The following PPFIBP1 variants were observed in gnomAD, a reference collection of about 807,000 sequenced individuals.
The protein encoded by PPFIBP1 is PPFIB scaffold protein 1, also known as liprin-beta-1.
Under a neutral mutation model 137.8 loss-of-function variants are expected in PPFIBP1, and 112 were observed. The observed-to-expected ratio is 0.81, with a 90% CI of 0.70 to 0.95. PPFIBP1 has a LOEUF of 0.95. Ranked by LOEUF, PPFIBP1 falls within the 40% of genes least tolerant of loss-of-function variation. The pLI, the probability that PPFIBP1 is intolerant of heterozygous loss-of-function variation, is 0.00. For missense variants in PPFIBP1, 1,083 were observed against 1,196.6 expected (o/e 0.91, Z 1.40); for synonymous variants, 378 against 417.3 (o/e 0.91, Z 1.15).
At chr12:27,534,362 G>GAAGA (rs1944749793) in intron 1 of PPFIBP1, among the ~76,000 whole-genome samples, 1 of 152,188 alleles carries the variant, frequency 6.6e-6, no homozygotes, top group South Asian at 2.1e-4. Flanking sequence ...TGATTTATCA[G>GAAGA]TAGAGTAAGA....
Position 27,661,094 on chromosome 12 carries a change from C to A in PPFIBP1, c.906+149C>A. 1 of 1,227,734 alleles carries A rather than the reference C, an allele frequency of 8.1e-7. No individual in the cohort carries two copies. The highest frequency in any genetic ancestry group is 1.1e-6 in the Non-Finnish European group (1 of 903,978). 76.1% of individuals were successfully genotyped at this position (1,227,734 alleles called of 1,614,324 possible). On this transcript the variant is annotated intron_variant, in intron 11 of 29. Coordinates refer to ENST00000228425, the MANE Select transcript of PPFIBP1 (RefSeq NM_003622.4). Reference sequence around the variant, plus strand: ...GCAGGTGTGCACACTCCCAGGTGGGCTGTATGCACAGGAATAGGGAGGAGC... The same window carrying A: ...GCAGGTGTGCACACTCCCAGGTGGGATGTATGCACAGGAATAGGGAGGAGC...
chr12:27,672,536 A>G (rs1200997539), intron 15 of PPFIBP1, 53 bp downstream of exon 15: 4 of 1,350,076 alleles, frequency 3.0e-6, no homozygotes, highest in East Asian at 2.3e-5. Flanking sequence ...AGAGAAAGAG[A>G]GTTCTGTTAT....
At chr12:27,558,847 A>T (rs2048926072) in intron 1 of PPFIBP1, among the ~76,000 whole-genome samples, 1 of 152,054 alleles carries the variant, frequency 6.6e-6, no homozygotes, top group African/African-American at 2.4e-5. Flanking sequence ...CATAGCTATA[A>T]CAGTGATTTT....
chr12:27,649,982 C>A, intron 6 of PPFIBP1, 28 bp from the exon 7 acceptor site: 1 of 1,584,324 alleles, frequency 6.3e-7, no homozygotes, highest in South Asian at 1.1e-5. Context: ...TAAAAGACTT[C>A]TTGAATGTAT....
At chr12:27,634,883 C>T in intron 3 of PPFIBP1, 27 bp from the exon 4 acceptor site, 1 of 1,586,420 alleles carries the variant, frequency 6.3e-7, no homozygotes, top group Non-Finnish European at 8.7e-7. Context: ...AATCCCATTG[C>T]TCTCTCTGTG....
chr12:27,625,457 A>T (rs2056733411), intron 2 of PPFIBP1, among the ~76,000 whole-genome samples: 1 of 152,164 alleles, frequency 6.6e-6, no homozygotes, highest in Non-Finnish European at 1.5e-5. Flanking sequence ...AGGACTCAAA[A>T]AAGATAAGTA....
At position 27,637,898 on chromosome 12, in the gene PPFIBP1, A is replaced by C. The variant is rs149769818; in HGVS notation, c.270+2783A>C. On this transcript the variant is annotated intron_variant, in intron 4 of 29. Coordinates refer to ENST00000228425, the MANE Select transcript of PPFIBP1 (RefSeq NM_003622.4). ...CCAATTTAATATTTCAGAAGTTGGG[A>C]TGTGTTTTATGATCTTAAAATGGGT... Among the ~76,000 whole-genome samples, 19 of 152,212 alleles carry C rather than the reference A, an allele frequency of 1.2e-4. No individual in the cohort carries two copies. The East Asian group carries it at 1.5e-3, about 12-fold the overall frequency.
chr12:27,556,785 A>C (rs954490028), intron 1 of PPFIBP1, among the ~76,000 whole-genome samples: 1 of 152,198 alleles, frequency 6.6e-6, no homozygotes, highest in Non-Finnish European at 1.5e-5. Flanking sequence ...TGTCTGCTTT[A>C]AGCTTCAAAC....
chr12:27,674,779 C>T (rs779882301), intron 17 of PPFIBP1, among the ~76,000 whole-genome samples: 7 of 148,406 alleles, frequency 4.7e-5, no homozygotes, highest in Non-Finnish European at 9.0e-5. Flanking sequence ...TTAAAGATGT[C>T]GTCAACATGT....
chr12:27,565,646 G>A (rs1022811659), intron 1 of PPFIBP1, among the ~76,000 whole-genome samples: 2 of 152,066 alleles, frequency 1.3e-5, no homozygotes, highest in Non-Finnish European at 2.9e-5. Flanking sequence ...CTCCTTCTGT[G>A]CTACTCCCCG....
At chr12:27,549,930 T>C (rs1267882428) in intron 1 of PPFIBP1, among the ~76,000 whole-genome samples, 1 of 152,204 alleles carries the variant, frequency 6.6e-6, no homozygotes, top group Non-Finnish European at 1.5e-5. Flanking sequence ...CGTAAGCTGA[T>C]GTTGCGTAAC....
intron 2 of PPFIBP1, among the ~76,000 whole-genome samples, chr12:27,601,470 G>T (rs1366880769): frequency 6.6e-6 from 1 of 152,168 alleles, no homozygotes; most frequent in African/African-American, 2.4e-5. Context: ...GAGTGTTTTG[G>T]TGTACACAAG....
In PPFIBP1 at chr12:27,655,483, T is replaced by C. The variant is rs149132717; in HGVS notation, c.696+669T>C. ...GAATTTATAAATTAATCTCTTAGACTATCTGAGACCCAAGCCTAGTAAAAT... is the reference window on the plus strand; with the variant it reads ...GAATTTATAAATTAATCTCTTAGACCATCTGAGACCCAAGCCTAGTAAAAT... On this transcript the variant is annotated intron_variant, in intron 8 of 29. Coordinates refer to ENST00000228425, the MANE Select transcript of PPFIBP1 (RefSeq NM_003622.4). Among the ~76,000 whole-genome samples, 902 of 152,338 alleles carry C rather than the reference T, an allele frequency of 5.9e-3. 10 individuals are homozygous for C. The highest frequency in any genetic ancestry group is 0.017 in the Admixed American group (262 of 15,302).
chr12:27,647,052 A>G (rs539879293), intron 5 of PPFIBP1, among the ~76,000 whole-genome samples: 1 of 152,160 alleles, frequency 6.6e-6, no homozygotes, highest in Non-Finnish European at 1.5e-5. Context: ...CCGAGACGGG[A>G]GTGCAGTGGC....
At chr12:27,668,139 A>C (rs1284257744) in intron 13 of PPFIBP1, among the ~76,000 whole-genome samples, 2 of 152,086 alleles carry the variant, frequency 1.3e-5, no homozygotes, top group East Asian at 3.9e-4. Flanking sequence ...TCCCATGCAA[A>C]ATACACTCGC....
At chr12:27,640,359 C>T (rs2058027702) in intron 4 of PPFIBP1, among the ~76,000 whole-genome samples, 1 of 152,268 alleles carries the variant, frequency 6.6e-6, no homozygotes, top group African/African-American at 2.4e-5. Context: ...AGAGATTCCT[C>T]CTCTAGATCT....
intron 2 of PPFIBP1, among the ~76,000 whole-genome samples, chr12:27,590,361 A>G (rs2052349276): frequency 6.6e-6 from 1 of 152,122 alleles, no homozygotes; most frequent in Admixed American, 6.6e-5. Context: ...TTTTTAGTAC[A>G]GACAGGGTTT....
At chr12:27,688,604 T>A (rs2061334079) in intron 26 of PPFIBP1, among the ~76,000 whole-genome samples, 181 bp downstream of exon 26, 1 of 152,270 alleles carries the variant, frequency 6.6e-6, no homozygotes, top group South Asian at 2.1e-4. Context: ...CTAGATTGAA[T>A]TTAAAGCCAG....
intron 27 of PPFIBP1, 74 bp from the exon 28 acceptor site, chr12:27,691,675 C>A: frequency 7.9e-7 from 1 of 1,260,664 alleles, no homozygotes; most frequent in South Asian, 1.5e-5. Context: ...AAAAAAAAAT[C>A]ACATGTTATC....
Sources: allele counts gnomAD v4.1 joint callset (sites outside exome capture counted in the v4.1 genomes callset), GRCh38; gene constraint gnomAD v4.1.1; transcripts MANE v1.5; gene names NCBI Gene and HGNC (gene_info 2026-07-23, HGNC 2026-07-21).